Variants in CSGALNACT1 observed in about 807,000 individuals in gnomAD.
CSGALNACT1 encodes the protein beta4GalNAcT-1.
A neutral mutation model predicts 51.0 loss-of-function variants in CSGALNACT1; 52 were observed. That is an observed-to-expected ratio of 1.02 (90% CI 0.82 to 1.29). The LOEUF (loss-of-function observed/expected upper bound fraction) is 1.29, where lower values mean the gene tolerates loss of function less well. CSGALNACT1 is among the 50% of genes most tolerant of loss of function. The pLI, the probability that CSGALNACT1 is intolerant of heterozygous loss-of-function variation, is 0.00. For synonymous variants in CSGALNACT1, 341 were observed against 254.4 expected (o/e 1.34, Z -3.24); for missense variants, 935 against 679.2 (o/e 1.38, Z -4.19).
intron 1 of CSGALNACT1, among the ~76,000 whole-genome samples, chr8:19,631,786 G>A (rs2055297454): frequency 6.6e-6 from 1 of 152,178 alleles, no homozygotes; most frequent in African/African-American, 2.4e-5. Context: ...GGATTTGACT[G>A]TGTTTTGCAA....
chr8:19,642,502 G>C (rs190735268), intron 1 of CSGALNACT1, among the ~76,000 whole-genome samples: 2 of 152,282 alleles, frequency 1.3e-5, no homozygotes, highest in East Asian at 3.9e-4. Flanking sequence ...TGAGAGTAGT[G>C]GCTCATGCCT....
upstream of CSGALNACT1, among the ~76,000 whole-genome samples, chr8:19,606,567 G>T (rs900190811): frequency 2.6e-5 from 4 of 152,138 alleles, no homozygotes; most frequent in African/African-American, 9.7e-5. Flanking sequence ...TCCCCTAAAA[G>T]ATTACTTTTC....
rs1048793610 is a variant in CSGALNACT1, at chr8:19,668,846, C to T, written c.-544+13627G>A. On this transcript the variant is annotated intron_variant, in intron 1 of 9. Transcript: ENST00000332246. ...GGGATTACAGGAGTGAGCCACTGTG[C>T]CCGGCCTGCCAATTTATTTAAAATG... Among the ~76,000 whole-genome samples, 6 of 152,298 alleles carry T rather than the reference C, an allele frequency of 3.9e-5. No individual in the cohort carries two copies. The South Asian group carries it at 6.2e-4, about 16-fold the overall frequency.
At chr8:19,605,042 G>GATC (rs2051176811), upstream of CSGALNACT1, among the ~76,000 whole-genome samples, 2 of 151,960 alleles carry the variant, frequency 1.3e-5, no homozygotes, top group African/African-American at 4.8e-5. Context: ...AGCCCACCCT[G>GATC]ATCCCCTATA....
chr8:19,726,478 A>G (rs905320249), intron 1 of CSGALNACT1, among the ~76,000 whole-genome samples: 5 of 152,198 alleles, frequency 3.3e-5, no homozygotes, highest in African/African-American at 1.2e-4. Context: ...AATTGTACAC[A>G]TTTACAGAGT....
At chr8:19,586,636 C>T (rs1302974454) in intron 3 of CSGALNACT1, among the ~76,000 whole-genome samples, 1 of 152,002 alleles carries the variant, frequency 6.6e-6, no homozygotes, top group African/African-American at 2.4e-5. Context: ...CTATGACTGG[C>T]AATGAAGTGT....
At chr8:19,741,560 C>CAAAA (rs71545567) in intron 1 of CSGALNACT1, among the ~76,000 whole-genome samples, 10 of 108,786 alleles carry the variant, frequency 9.2e-5, no homozygotes, top group Admixed American at 6.0e-4. Flanking sequence ...GAGACTCCAT[C>CAAAA]AAAAAAAAAA....
chr8:19,480,842 A>G (rs1232111984), intron 4 of CSGALNACT1, among the ~76,000 whole-genome samples: 1 of 152,144 alleles, frequency 6.6e-6, no homozygotes, highest in Non-Finnish European at 1.5e-5. Context: ...CACTGGGAGG[A>G]AAAACGAGGA....
At chr8:19,696,228 C>A (rs914356767) in intron 1 of CSGALNACT1, among the ~76,000 whole-genome samples, 1 of 152,212 alleles carries the variant, frequency 6.6e-6, no homozygotes, top group African/African-American at 2.4e-5. Context: ...GAAAAAGATT[C>A]TGTCCCCAAT....
chr8:19,653,603 G>A (rs1589284443), intron 1 of CSGALNACT1, among the ~76,000 whole-genome samples: 2 of 152,098 alleles, frequency 1.3e-5, no homozygotes, highest in Non-Finnish European at 2.9e-5. Flanking sequence ...AGACCAGTCT[G>A]GGCAACATGG....
chr8:19,628,672 G>C (rs1207635366), intron 1 of CSGALNACT1, among the ~76,000 whole-genome samples: 12 of 149,740 alleles, frequency 8.0e-5, no homozygotes, highest in Admixed American at 4.0e-4. Context: ...TTTGTTTTTT[G>C]GGTCTCGCCA....
Position 19,744,359 on chromosome 8 carries a change from C to G in CSGALNACT1, c.-297+13491G>C, listed in dbSNP as rs141147787. Among the ~76,000 whole-genome samples the G allele has an allele frequency of 6.4e-3, 978 of 152,284 alleles. 13 individuals carry two copies. Among genetic ancestry groups the G allele is most frequent in the African/African-American group, 0.022 (914 of 41,564 alleles). On this transcript the variant is annotated intron_variant, in intron 1 of 1. Coordinates refer to the CSGALNACT1 transcript ENST00000517494. ...ATAGATTGAATAAAACAACTTGGTT[C>G]AAATAGATGGTCTTTGCTGTTTCTC...
chr8:19,539,821 G>C (rs2084669974), intron 3 of CSGALNACT1, among the ~76,000 whole-genome samples: 1 of 152,204 alleles, frequency 6.6e-6, no homozygotes, highest in Admixed American at 6.5e-5. Context: ...CTGCTGAGGG[G>C]AGTTCTAGGC....
At chr8:19,448,877 G>C (rs1315807333) in intron 5 of CSGALNACT1, among the ~76,000 whole-genome samples, 1 of 152,208 alleles carries the variant, frequency 6.6e-6, no homozygotes, top group Non-Finnish European at 1.5e-5. Context: ...GTAGTCTTCT[G>C]TGGTTACAAG....
intron 3 of CSGALNACT1, among the ~76,000 whole-genome samples, chr8:19,535,777 C>T (rs1367287263): frequency 6.6e-6 from 1 of 152,138 alleles, no homozygotes; most frequent in African/African-American, 2.4e-5. Context: ...AAAACTTCAA[C>T]ATCCATTCAC....
intron 3 of CSGALNACT1, among the ~76,000 whole-genome samples, chr8:19,512,192 CAG>C (rs1404126189): frequency 6.6e-6 from 1 of 152,186 alleles, no homozygotes. Flanking sequence ...GTGTTGTGAG[CAG>C]CCTTGTGGAG....
At chr8:19,685,177 G>A (rs1315161477), upstream of CSGALNACT1, among the ~76,000 whole-genome samples, 1 of 152,206 alleles carries the variant, frequency 6.6e-6, no homozygotes, top group Non-Finnish European at 1.5e-5. Flanking sequence ...AGCAAGGCCT[G>A]AACAAATATG....
chr8:19,663,056 T>C (rs2154191907), intron 1 of CSGALNACT1, among the ~76,000 whole-genome samples: 1 of 152,312 alleles, frequency 6.6e-6, no homozygotes, highest in African/African-American at 2.4e-5. Context: ...TGCAGGATGC[T>C]CTCTATCAAT....
chr8:19,742,224 G>A (rs953579773), intron 1 of CSGALNACT1, among the ~76,000 whole-genome samples: 1 of 151,522 alleles, frequency 6.6e-6, no homozygotes, highest in Non-Finnish European at 1.5e-5. Context: ...GCTCAAAGTG[G>A]TAAAGTAACT....
Sources: gnomAD v4.1 joint callset for allele counts (sites outside exome capture counted in the v4.1 genomes callset) on GRCh38, gnomAD v4.1.1 for gene constraint, MANE v1.5 for transcripts, NCBI Gene and HGNC (gene_info 2026-07-23, HGNC 2026-07-21) for gene names.